Variants in LINGO2 observed in about 807,000 individuals in gnomAD.
The protein encoded by LINGO2 is leucine-rich repeat and immunoglobulin-like domain-containing nogo receptor-interacting protein 2.
A neutral mutation model predicts 30.6 loss-of-function variants in LINGO2; 14 were observed. That is an observed-to-expected ratio of 0.46 (90% CI 0.30 to 0.72). The LOEUF (loss-of-function observed/expected upper bound fraction) is 0.72, where lower values mean the gene tolerates loss of function less well. Ranked by LOEUF, LINGO2 falls within the 30% of genes least tolerant of loss-of-function variation. LINGO2 has a pLI of 0.07. For synonymous variants in LINGO2, 317 were observed against 288.5 expected, an observed-to-expected ratio of 1.10 and a Z score of -1.00; for missense variants, 729 against 751.7, an observed-to-expected ratio of 0.97 and a Z score of 0.35.
At chr9:28,603,247 A>C (rs2135754111) in intron 1 of LINGO2, among the ~76,000 whole-genome samples, 1 of 152,198 alleles carries the variant, frequency 6.6e-6, no homozygotes, top group Admixed American at 6.6e-5. Flanking sequence ...TTGTATTTTA[A>C]ATAATCATTC....
intron 1 of LINGO2, among the ~76,000 whole-genome samples, chr9:28,657,153 G>A (rs541231527): frequency 3.3e-5 from 5 of 151,974 alleles, no homozygotes; most frequent in Admixed American, 2.0e-4. Context: ...TGTTTTGTTC[G>A]AGTTGTTTTT....
chr9:28,416,844 T>C (rs572267860), intron 2 of LINGO2, among the ~76,000 whole-genome samples: 198 of 152,178 alleles, frequency 1.3e-3, no homozygotes, highest in Non-Finnish European at 2.4e-3. Context: ...CAAAATCCTT[T>C]GTATTTTTTA....
chr9:28,322,322 C>T (rs770735830), intron 3 of LINGO2, among the ~76,000 whole-genome samples: 3 of 152,070 alleles, frequency 2.0e-5, no homozygotes, highest in Non-Finnish European at 4.4e-5. Flanking sequence ...TATCATATCA[C>T]ACCATTTTCA....
chr9:28,994,222 T>C, the LINGO2 span, among the ~76,000 whole-genome samples: 124 of 152,194 alleles, frequency 8.1e-4, no homozygotes, highest in Non-Finnish European at 1.5e-3. Flanking sequence ...TATGCACCAA[T>C]AACAGACAAA....
chr9:29,001,675 A>G, the LINGO2 span, among the ~76,000 whole-genome samples: 1 of 152,000 alleles, frequency 6.6e-6, no homozygotes, highest in African/African-American at 2.4e-5. Context: ...TTATACATAC[A>G]TTACCTTAAT....
the LINGO2 span, among the ~76,000 whole-genome samples, chr9:29,175,509 T>A: frequency 3.7e-3 from 555 of 149,810 alleles, 3 homozygotes; most frequent in African/African-American, 0.013. Flanking sequence ...CTTCTTTAGA[T>A]CGTATCTCCG....
At chr9:28,537,609 G>A (rs945029938) in intron 1 of LINGO2, among the ~76,000 whole-genome samples, 15 of 151,864 alleles carry the variant, frequency 9.9e-5, no homozygotes, top group African/African-American at 3.4e-4. Context: ...AAAGAGAGCT[G>A]AAGAAGAATT....
the LINGO2 span, among the ~76,000 whole-genome samples, chr9:28,870,670 G>A: frequency 7.9e-5 from 12 of 152,058 alleles, no homozygotes; most frequent in African/African-American, 9.6e-5. Flanking sequence ...CTTATATACC[G>A]TACTTGGTGT....
chr9:28,049,152 A>ATG lies in LINGO2; in HGVS notation c.-86-36748_-86-36747insCA, dbSNP rs1824557201. ...TCTTCATGCCTTTATCCTAGTCAGCAATGCATCATGGGACAACATCAAGAG... is the reference window on the plus strand; with the variant it reads ...TCTTCATGCCTTTATCCTAGTCAGCATGATGCATCATGGGACAACATCAAGAG... On this transcript the variant is annotated intron_variant, in intron 4 of 5. Transcript: ENST00000379992. Among the ~76,000 whole-genome samples the ATG allele has an allele frequency of 1.7e-4, 26 of 150,880 alleles. 2 individuals are homozygous for ATG. The highest frequency in any genetic ancestry group is 1.3e-3 in the Admixed American group (19 of 15,052).
At chr9:28,854,462 G>A in the LINGO2 span, among the ~76,000 whole-genome samples, 8 of 151,884 alleles carry the variant, frequency 5.3e-5, no homozygotes, top group Non-Finnish European at 1.0e-4. Context: ...TTGTGATAGG[G>A]CTATTTGTAG....
chr9:28,083,218 C>T (rs918306921), intron 4 of LINGO2, among the ~76,000 whole-genome samples: 1 of 152,160 alleles, frequency 6.6e-6, no homozygotes, highest in Non-Finnish European at 1.5e-5. Flanking sequence ...GGGCAGGAAG[C>T]CTGAGTGTTT....
At chr9:29,033,092 G>C in the LINGO2 span, among the ~76,000 whole-genome samples, 1 of 151,832 alleles carries the variant, frequency 6.6e-6, no homozygotes, top group Non-Finnish European at 1.5e-5. Flanking sequence ...CTATTTTCTT[G>C]CCTTGTCATT....
chr9:28,481,501 C>T (rs1353932836), intron 1 of LINGO2, among the ~76,000 whole-genome samples: 3 of 151,994 alleles, frequency 2.0e-5, no homozygotes, highest in Non-Finnish European at 4.4e-5. Flanking sequence ...TCCTTTGAGT[C>T]TCTTTATTTT....
intron 1 of LINGO2, among the ~76,000 whole-genome samples, chr9:28,510,971 G>A (rs1449637788): frequency 6.6e-6 from 1 of 151,994 alleles, no homozygotes; most frequent in East Asian, 1.9e-4. Flanking sequence ...GTGTAGGCCA[G>A]TCTCTCTTTT....
chr9:27,953,119 G>A (rs1265252802), intron 5 of LINGO2, among the ~76,000 whole-genome samples: 1 of 151,992 alleles, frequency 6.6e-6, no homozygotes, highest in Non-Finnish European at 1.5e-5. Flanking sequence ...GTTTTTGCCT[G>A]TCATATTGAT....
chr9:28,218,039 G>A (rs1320273616), intron 4 of LINGO2, among the ~76,000 whole-genome samples: 2 of 151,000 alleles, frequency 1.3e-5, no homozygotes, highest in East Asian at 3.9e-4. Context: ...AAGGGACAGA[G>A]ATGAAGATCA....
intron 4 of LINGO2, among the ~76,000 whole-genome samples, chr9:28,222,248 G>A (rs1474414849): frequency 6.6e-6 from 1 of 152,110 alleles, no homozygotes. Context: ...AAGAGGCACT[G>A]AATATTTCTT....
chr9:28,977,698 G>A, the LINGO2 span, among the ~76,000 whole-genome samples: 21 of 152,180 alleles, frequency 1.4e-4, no homozygotes, highest in African/African-American at 2.9e-4. Flanking sequence ...GTAAGATCCC[G>A]TTTTTCCCCG....
At chr9:28,859,522 A>T in the LINGO2 span, among the ~76,000 whole-genome samples, 4 of 152,014 alleles carry the variant, frequency 2.6e-5, no homozygotes, top group African/African-American at 9.7e-5. Flanking sequence ...TTTCACTCAC[A>T]TTTGATATGA....
Sources: allele counts gnomAD v4.1 joint callset (sites outside exome capture counted in the v4.1 genomes callset), GRCh38; gene constraint gnomAD v4.1.1; transcripts MANE v1.5; gene names NCBI Gene and HGNC (gene_info 2026-07-23, HGNC 2026-07-21).